WARS1: variants seen among roughly 807,000 people sequenced by gnomAD.
WARS1 encodes tryptophan--tRNA ligase, cytoplasmic.
A neutral mutation model predicts 47.8 loss-of-function variants in WARS1; 17 were observed. The ratio of observed to expected loss-of-function variants is 0.36; its 90% CI spans 0.24 to 0.53. The LOEUF is 0.53. WARS1 is among the 20% of genes least tolerant of loss of function. The probability of loss-of-function intolerance (pLI) is 0.91; values close to 1 mark genes in which losing one functional copy is unlikely to be tolerated. For synonymous variants in WARS1, 208 were observed against 228.1 expected (o/e 0.91, Z 0.79); for missense variants, 434 against 608.0 (o/e 0.71, Z 3.01).
chr14:100,334,838 T>C lies in WARS1; in HGVS notation c.*37A>G. ...GCTGGGATTATTGATACATTACTGA[T>C]ACATCACTTCTTTTATAAGCATATG... is the stretch of plus-strand genomic sequence containing the variant. On this transcript the variant is annotated 3_prime_UTR_variant, in exon 11 of 11. Coordinates refer to ENST00000392882, the MANE Select transcript of WARS1 (RefSeq NM_004184.4). 8 of 1,607,032 alleles carry C rather than the reference T, an allele frequency of 5.0e-6. No individual in the cohort carries two copies. The highest frequency in any genetic ancestry group is 1.7e-4 in the Middle Eastern group (1 of 6,044).
chr14:100,338,033 G>GTT (rs1641069510), intron 9 of WARS1, among the ~76,000 whole-genome samples: 1 of 152,166 alleles, frequency 6.6e-6, no homozygotes, highest in South Asian at 2.1e-4. Context: ...AGAAGGCACA[G>GTT]GGTAAGGCAG....
chr14:100,365,882 T>C (rs1352289593), intron 2 of WARS1: 1 of 378,024 alleles, frequency 2.6e-6, no homozygotes, highest in Admixed American at 3.1e-5. Context: ...ATGGAAATAC[T>C]GGAAGGTGAC....
In WARS1 at chr14:100,342,425, G is replaced by A. The variant is rs866255816; in HGVS notation, c.1086C>T (p.Thr362=). The A allele has an allele frequency of 5.6e-6, 9 of 1,613,922 alleles. No homozygotes were observed. Among genetic ancestry groups the A allele is most frequent in the African/African-American group, 1.3e-5 (1 of 74,926 alleles). ...ASDPNSSIFL[T]DTAKQIKTKV... is the part of the protein sequence containing the mutation. ...TGGTTTTGATCTGCTTGGCCGTGTCGGTGAGGAAGATGGAGGAGTTGGGGT... is the reference window on the plus strand; with the variant it reads ...TGGTTTTGATCTGCTTGGCCGTGTCAGTGAGGAAGATGGAGGAGTTGGGGT... Residue 362 remains threonine, a synonymous_variant, in exon 9 of 11, where the codon ACC becomes ACT. Coordinates refer to ENST00000392882, the MANE Select transcript of WARS1 (RefSeq NM_004184.4).
chr14:100,341,556 T>C (rs780176343), intron 9 of WARS1, among the ~76,000 whole-genome samples: 2 of 152,184 alleles, frequency 1.3e-5, no homozygotes, highest in African/African-American at 4.8e-5. Flanking sequence ...AAACACACAC[T>C]TGATTCCAAA....
chr14:100,365,579 C>CAAAAA (rs34591719), intron 2 of WARS1: 4 of 86,694 alleles, frequency 4.6e-5, no homozygotes, highest in South Asian at 5.5e-4. Context: ...GACTCAGCCT[C>CAAAAA]AAAAAAAAAA....
intron 1 of WARS1, among the ~76,000 whole-genome samples, chr14:100,369,836 G>T (rs1345055027): frequency 1.3e-5 from 2 of 151,936 alleles, no homozygotes; most frequent in African/African-American, 2.4e-5. Flanking sequence ...GCGAATTTTT[G>T]TATTTTTAGT....
rs1353566718 is a variant in WARS1, at chr14:100,371,795, C to T, written c.-73-2537G>A. Reference sequence around the variant, plus strand: ...GGGTGCTGTGAGCGGTGGCTCACAACTGCAGTCCAAGTGCTTTGGGAAGCA... The same window carrying T: ...GGGTGCTGTGAGCGGTGGCTCACAATTGCAGTCCAAGTGCTTTGGGAAGCA... On this transcript the variant is annotated intron_variant, in intron 1 of 10. Transcript: ENST00000392882. Among the ~76,000 whole-genome samples the T allele has an allele frequency of 2.6e-5, 4 of 152,110 alleles. No homozygotes were observed. In the East Asian group the frequency reaches 7.7e-4, roughly 29 times the overall value.
chr14:100,363,467 G>A (rs974212384), intron 2 of WARS1, among the ~76,000 whole-genome samples: 2 of 152,088 alleles, frequency 1.3e-5, no homozygotes, highest in South Asian at 2.1e-4. Context: ...AGGCCAAGGC[G>A]GGCGGATCGC....
intron 5 of WARS1, 26 bp from the exon 6 acceptor site, chr14:100,353,895 T>C (rs1895152989): frequency 6.2e-7 from 1 of 1,605,532 alleles, no homozygotes. Flanking sequence ...GGGAGAAAGC[T>C]GACGTCTCAT....
chr14:100,353,779 G>A lies in WARS1; in HGVS notation c.633C>T (p.Ala211=). ...YLWKDLTLDQ[A]YSYAVENAKD... The stretch of plus-strand genomic sequence containing the variant: ...TGGCATTCTCCACAGCATAGCTATA[G>A]GCCTGGTCCAGGGTCAGGTCCTTCC... The change falls in exon 6 of 11, where the codon GCC becomes GCT. Residue 211 remains alanine (A), a synonymous_variant. Transcript: ENST00000392882. The A allele has an allele frequency of 1.2e-6, 2 of 1,614,138 alleles. No homozygotes were observed. Among genetic ancestry groups the A allele is most frequent in the East Asian group, 4.5e-5 (2 of 44,884 alleles).
At chr14:100,352,693 T>G (rs1364448165) in intron 6 of WARS1, among the ~76,000 whole-genome samples, 2 of 152,066 alleles carry the variant, frequency 1.3e-5, no homozygotes, top group Non-Finnish European at 2.9e-5. Context: ...GGGAGTACCA[T>G]GCCTTAGGAG....
chr14:100,355,029 G>A (rs1895223279), intron 4 of WARS1, among the ~76,000 whole-genome samples: 8 of 152,140 alleles, frequency 5.3e-5, no homozygotes, highest in Admixed American at 5.2e-4. Context: ...TGGGAGTTCA[G>A]AGGTCAAGTG....
intron 6 of WARS1, among the ~76,000 whole-genome samples, chr14:100,349,048 A>T (rs1276027966): frequency 6.6e-6 from 1 of 152,300 alleles, no homozygotes; most frequent in African/African-American, 2.4e-5. Context: ...GGCTGCAGTG[A>T]ACACACCTAA....
intron 7 of WARS1, among the ~76,000 whole-genome samples, chr14:100,344,842 C>G (rs973412021): frequency 1.2e-4 from 18 of 151,666 alleles, no homozygotes; most frequent in Non-Finnish European, 1.8e-4. Context: ...AGACCCTCCG[C>G]CCGGCAACCG....
intron 9 of WARS1, 59 bp downstream of exon 9, chr14:100,342,339 T>G: frequency 6.2e-7 from 1 of 1,606,464 alleles, no homozygotes; most frequent in Non-Finnish European, 8.5e-7. Flanking sequence ...TGTGTGCGTG[T>G]GCCCCCCAGG....
chr14:100,364,820 G>C (rs141086992), intron 2 of WARS1, among the ~76,000 whole-genome samples: 2,094 of 152,154 alleles, frequency 0.014, 25 homozygotes, highest in African/African-American at 0.034. Flanking sequence ...AAAATGATGG[G>C]CTTACATAAC....
chr14:100,345,050 C>G (rs1266001097), intron 7 of WARS1, among the ~76,000 whole-genome samples: 154 of 17,944 alleles, frequency 8.6e-3, no homozygotes, highest in Middle Eastern at 0.05. Flanking sequence ...AGGGAGGTGG[C>G]GGGGTCAGCC....
rs557636866 is a variant in WARS1 at position 100,345,178 on chromosome 14, C to T, written c.826+1568G>A. On this transcript the variant is annotated intron_variant, in intron 7 of 10. Coordinates refer to ENST00000392882, the MANE Select transcript of WARS1 (RefSeq NM_004184.4). ...CACCCCGTCTGGGAGGTGTACCCAA[C>T]AGCTCATTGAGAACGGGCCATGATG... 1.3e-3 allele frequency among the ~76,000 whole-genome samples: 201 copies of T among 151,058 alleles called. 2 individuals are homozygous for T. The highest frequency in any genetic ancestry group is 4.7e-3 in the African/African-American group (193 of 41,314).
chr14:100,351,708 T>C (rs1469982671), intron 6 of WARS1, among the ~76,000 whole-genome samples: 2 of 151,672 alleles, frequency 1.3e-5, no homozygotes, highest in South Asian at 2.1e-4. Context: ...AAAGATCTAA[T>C]AGGTGCTGGG....
Sources: gnomAD v4.1 joint callset for allele counts (sites outside exome capture counted in the v4.1 genomes callset) on GRCh38, gnomAD v4.1.1 for gene constraint, MANE v1.5 for transcripts, NCBI Gene and HGNC (gene_info 2026-07-23, HGNC 2026-07-21) for gene names.